SHROOM3: variants seen among roughly 807,000 people sequenced by gnomAD.
SHROOM3 encodes the protein protein Shroom3.
A neutral mutation model predicts 138.6 loss-of-function variants in SHROOM3; 47 were observed. The ratio of observed to expected loss-of-function variants is 0.34; its 90% CI spans 0.27 to 0.43. The LOEUF is 0.43. Ranked by LOEUF, SHROOM3 falls within the 20% of genes least tolerant of loss-of-function variation. SHROOM3 has a pLI of 1.00. For synonymous variants in SHROOM3, 1,062 were observed against 1,063.3 expected, an observed-to-expected ratio of 1.00 and a Z score of 0.02; for missense variants, 2,491 against 2,596.5, an observed-to-expected ratio of 0.96 and a Z score of 0.88.
chr4:76,714,154 A>T (rs1246519012), intron 3 of SHROOM3, among the ~76,000 whole-genome samples: 1 of 152,234 alleles, frequency 6.6e-6, no homozygotes, highest in Non-Finnish European at 1.5e-5. Flanking sequence ...AAAACTAAGA[A>T]ATCAGCACTG....
chr4:76,758,663 T>C (rs1721897066), intron 8 of SHROOM3: 1 of 152,192 alleles, frequency 6.6e-6, no homozygotes, highest in Non-Finnish European at 1.5e-5. Flanking sequence ...GGATTAAATG[T>C]GGTCATTGTT....
chr4:76,661,458 C>T (rs1462751438), intron 2 of SHROOM3, among the ~76,000 whole-genome samples: 1 of 152,014 alleles, frequency 6.6e-6, no homozygotes, highest in Non-Finnish European at 1.5e-5. Flanking sequence ...TCTCGATCTC[C>T]TGACCTCATG....
chr4:76,629,471 G>A (rs1735249161), intron 2 of SHROOM3, among the ~76,000 whole-genome samples: 1 of 152,210 alleles, frequency 6.6e-6, no homozygotes, highest in African/African-American at 2.4e-5. Context: ...GTTTTGAGCA[G>A]AGAATCAACA....
intron 1 of SHROOM3, among the ~76,000 whole-genome samples, chr4:76,449,841 G>T (rs1270692550): frequency 6.6e-6 from 1 of 152,146 alleles, no homozygotes; most frequent in Non-Finnish European, 1.5e-5. Flanking sequence ...GAAAGGCATT[G>T]TTCCTTCTTT....
intron 2 of SHROOM3, among the ~76,000 whole-genome samples, chr4:76,686,182 T>A (rs1719330174): frequency 6.6e-6 from 1 of 151,886 alleles, no homozygotes; most frequent in South Asian, 2.1e-4. Context: ...CCTGGCTAAT[T>A]TTTTTATTTT....
chr4:76,699,112 T>C (rs1020609666), intron 2 of SHROOM3, among the ~76,000 whole-genome samples: 8 of 152,188 alleles, frequency 5.3e-5, no homozygotes, highest in Non-Finnish European at 1.0e-4. Context: ...TAGATAATAC[T>C]TTGTCCCCTT....
At chr4:76,529,546 C>T (rs1242051601) in intron 1 of SHROOM3, among the ~76,000 whole-genome samples, 2 of 152,048 alleles carry the variant, frequency 1.3e-5, no homozygotes, top group Admixed American at 6.6e-5. Context: ...AGGATGGTCT[C>T]GATCTCCTGA....
intron 2 of SHROOM3, among the ~76,000 whole-genome samples, chr4:76,625,360 A>G (rs961642616): frequency 2.0e-5 from 3 of 152,202 alleles, no homozygotes; most frequent in Admixed American, 6.5e-5. Flanking sequence ...AAAATACAAC[A>G]GAACATTCTT....
chr4:76,573,146 T>C (rs1478887221), intron 2 of SHROOM3, among the ~76,000 whole-genome samples: 2 of 151,260 alleles, frequency 1.3e-5, no homozygotes, highest in Admixed American at 6.6e-5. Flanking sequence ...CTCAATAAAA[T>C]TGAGATTTAG....
chr4:76,632,759 T>C (rs1385414009), intron 2 of SHROOM3, among the ~76,000 whole-genome samples: 1 of 152,174 alleles, frequency 6.6e-6, no homozygotes, highest in Non-Finnish European at 1.5e-5. Context: ...TTAAAACTAA[T>C]ACATATTCCT....
At chr4:76,443,599 C>T (rs950034324) in intron 1 of SHROOM3, among the ~76,000 whole-genome samples, 1 of 152,232 alleles carries the variant, frequency 6.6e-6, no homozygotes. Flanking sequence ...CCATCCATCT[C>T]TTGTGCTCTG....
intron 5 of SHROOM3, chr4:76,742,180 G>A (rs956986148): frequency 3.6e-6 from 2 of 554,774 alleles, no homozygotes; most frequent in Non-Finnish European, 6.5e-6. Flanking sequence ...CTCCATTTTA[G>A]GAAGTCACCA....
At chr4:76,642,093 C>T (rs904902445) in intron 2 of SHROOM3, among the ~76,000 whole-genome samples, 1 of 152,146 alleles carries the variant, frequency 6.6e-6, no homozygotes, top group Non-Finnish European at 1.5e-5. Flanking sequence ...CTGATTGTTT[C>T]TATCTTTGGG....
At position 76,754,391 on chromosome 4, in the gene SHROOM3, G is replaced by C. The variant is rs1353270199; in HGVS notation, c.3908G>C (p.Gly1303Ala). 6.2e-7 allele frequency: 1 copy of C among 1,614,124 alleles called. No homozygotes were observed. Among genetic ancestry groups the C allele is most frequent in the South Asian group, 1.1e-5 (1 of 91,080 alleles). The change falls in exon 7 of 11, where the codon GGC (glycine) becomes GCC (alanine). Residue 1303 changes from glycine to alanine, a missense_variant. Physicochemically the swap from Gly to Ala is moderately conservative, Grantham distance 60. Transcript: ENST00000296043. ...CTCACCCCTCGTTGGGGTGGTTCAG[G>C]CTGCAAAGCCATTGGTGATTCCTCC... ...HHLTPRWGGS[G>A]CKAIGDSSVP...
chr4:76,663,565 T>C (rs1718601310), intron 2 of SHROOM3, among the ~76,000 whole-genome samples: 1 of 152,064 alleles, frequency 6.6e-6, no homozygotes, highest in African/African-American at 2.4e-5. Flanking sequence ...CCATAGATTG[T>C]TGTTGTTCTT....
chr4:76,654,544 C>T (rs1001165136), intron 2 of SHROOM3, among the ~76,000 whole-genome samples: 3 of 151,820 alleles, frequency 2.0e-5, no homozygotes, highest in Non-Finnish European at 4.4e-5. Context: ...GCCCAGGCTG[C>T]CATGCAGAAA....
chr4:76,779,391 C>G lies in SHROOM3; in HGVS notation c.*214C>G. On this transcript the variant is annotated 3_prime_UTR_variant, in exon 11 of 11. Coordinates refer to ENST00000296043, the MANE Select transcript of SHROOM3 (RefSeq NM_020859.4). ...CTCGAATGCTGCTGGACACGTACCC[C>G]TTTCTATTATTACTTTGTAGTAGAA... 1.8e-6 allele frequency: 1 copy of G among 559,234 alleles called. No homozygotes were observed. Among genetic ancestry groups the G allele is most frequent in the Non-Finnish European group, 3.1e-6 (1 of 323,018 alleles). 34.6% of individuals were successfully genotyped at this position (559,234 alleles called of 1,614,324 possible). A position where few individuals can be genotyped will look rare whatever the true frequency, so the allele number is the denominator to read the frequency against.
chr4:76,648,344 GAAAAAC>G (rs1374992657), intron 2 of SHROOM3, among the ~76,000 whole-genome samples: 1 of 151,988 alleles, frequency 6.6e-6, no homozygotes, highest in Admixed American at 6.6e-5. Context: ...AAGAAAGAAA[GAAAAAC>G]AAAAAACCAA....
At chr4:76,572,686 G>A (rs1733856472) in intron 2 of SHROOM3, among the ~76,000 whole-genome samples, 1 of 152,230 alleles carries the variant, frequency 6.6e-6, no homozygotes, top group Non-Finnish European at 1.5e-5. Context: ...TTTAGGGGCA[G>A]CTCTAGCAGT....
Sources: allele counts gnomAD v4.1 joint callset (sites outside exome capture counted in the v4.1 genomes callset), GRCh38; gene constraint gnomAD v4.1.1; transcripts MANE v1.5; gene names NCBI Gene and HGNC (gene_info 2026-07-23, HGNC 2026-07-21).